The following MYO5B variants were observed in gnomAD, a reference collection of about 807,000 sequenced individuals.
The protein encoded by MYO5B is myosin VB.
MYO5B carries 143 observed loss-of-function variants against 229.3 expected under a neutral mutation model. The ratio of observed to expected loss-of-function variants is 0.62; its 90% CI spans 0.54 to 0.72. The LOEUF is 0.72. Among genes scored for constraint, MYO5B ranks in the 30% least tolerant of loss-of-function variants. The pLI is 0.00. For synonymous variants in MYO5B, 918 were observed against 885.2 expected (o/e 1.04, Z -0.66); for missense variants, 2,321 against 2,331.0 (o/e 1.00, Z 0.09).
chr18:50,162,884 T>A (rs1243411967), intron 1 of MYO5B, among the ~76,000 whole-genome samples: 2 of 152,198 alleles, frequency 1.3e-5, no homozygotes, highest in African/African-American at 4.8e-5. Context: ...ATTCCAGCCC[T>A]GTCACAGCGG....
At chr18:50,042,733 G>C (rs1032015661) in intron 2 of MYO5B, among the ~76,000 whole-genome samples, 1 of 152,176 alleles carries the variant, frequency 6.6e-6, no homozygotes, top group African/African-American at 2.4e-5. Flanking sequence ...CACCTCGGTG[G>C]AGATGTCCCC....
intron 1 of MYO5B, among the ~76,000 whole-genome samples, chr18:50,160,154 T>C (rs1006116104): frequency 6.6e-6 from 1 of 152,226 alleles, no homozygotes; most frequent in African/African-American, 2.4e-5. Flanking sequence ...ACCGTAAGCA[T>C]GGAAGCAGAA....
intron 11 of MYO5B, 96 bp downstream of exon 11, chr18:49,962,853 G>A: frequency 1.9e-6 from 2 of 1,065,010 alleles, no homozygotes; most frequent in Non-Finnish European, 2.9e-6. Context: ...ACGTAGCCAG[G>A]GCCCACCCAC....
intron 14 of MYO5B, among the ~76,000 whole-genome samples, chr18:49,950,777 T>C (rs2025423055): frequency 6.6e-6 from 1 of 152,214 alleles, no homozygotes. Flanking sequence ...ATTTAATTTC[T>C]AATAAAAACC....
At chr18:49,910,800 G>A (rs111326466) in intron 18 of MYO5B, among the ~76,000 whole-genome samples, 363 of 152,204 alleles carry the variant, frequency 2.4e-3, no homozygotes, top group African/African-American at 8.1e-3. Context: ...TAGATTTTCC[G>A]AACAGAAAAC....
intron 1 of MYO5B, among the ~76,000 whole-genome samples, chr18:50,164,944 A>G (rs2032821960): frequency 6.6e-6 from 1 of 152,240 alleles, no homozygotes; most frequent in African/African-American, 2.4e-5. Flanking sequence ...CACCCTCAAC[A>G]GATCACTTTG....
intron 4 of MYO5B, 81 bp from the exon 5 acceptor site, chr18:50,001,492 T>G: frequency 6.6e-7 from 1 of 1,505,132 alleles, no homozygotes; most frequent in Non-Finnish European, 9.2e-7. Flanking sequence ...GACAAGGGCC[T>G]GAGCCTCACT....
chr18:49,943,036 TA>T (rs1219842886), intron 14 of MYO5B, among the ~76,000 whole-genome samples: 76 of 151,950 alleles, frequency 5.0e-4, no homozygotes, highest in Admixed American at 6.5e-4. Flanking sequence ...TATGCAGTCA[TA>T]AAAAAATGAT....
intron 3 of MYO5B, among the ~76,000 whole-genome samples, chr18:50,038,228 A>G (rs2029898363): frequency 6.6e-6 from 1 of 152,224 alleles, no homozygotes; most frequent in Non-Finnish European, 1.5e-5. Context: ...ACTGAGGTAC[A>G]AAAACCAGAA....
At chr18:49,835,052 T>C (rs2144028148) in intron 39 of MYO5B, among the ~76,000 whole-genome samples, 1 of 152,340 alleles carries the variant, frequency 6.6e-6, no homozygotes, top group South Asian at 2.1e-4. Context: ...TAATTCCATT[T>C]GGTGCTAATA....
intron 37 of MYO5B, 55 bp from the exon 38 acceptor site, chr18:49,836,940 G>GAA (rs1343230488): frequency 3.2e-6 from 5 of 1,562,364 alleles, no homozygotes; most frequent in Non-Finnish European, 1.8e-6. Context: ...AATTCACTGA[G>GAA]AAGGGGACAC....
At chr18:49,871,196 C>T (rs1438291108) in intron 27 of MYO5B, among the ~76,000 whole-genome samples, 2 of 152,158 alleles carry the variant, frequency 1.3e-5, no homozygotes, top group Non-Finnish European at 2.9e-5. Context: ...AAATACTATA[C>T]GATTCTACTT....
chr18:50,037,743 A>C (rs1466043273), intron 3 of MYO5B, among the ~76,000 whole-genome samples: 2 of 152,188 alleles, frequency 1.3e-5, no homozygotes, highest in African/African-American at 2.4e-5. Flanking sequence ...CTACAAAAAA[A>C]GTATTAGCTG....
At chr18:49,910,153 G>A (rs1256177909) in intron 18 of MYO5B, among the ~76,000 whole-genome samples, 6 of 152,336 alleles carry the variant, frequency 3.9e-5, no homozygotes, top group Non-Finnish European at 8.8e-5. Flanking sequence ...AGCTGTGCCA[G>A]GAAAGGCCCA....
intron 1 of MYO5B, among the ~76,000 whole-genome samples, chr18:50,063,006 G>C (rs1488061088): frequency 6.6e-6 from 1 of 152,082 alleles, no homozygotes; most frequent in Non-Finnish European, 1.5e-5. Context: ...GAAATATTTG[G>C]CCCAGTATCT....
chr18:49,989,754 GA>G (rs2025909103), intron 7 of MYO5B, among the ~76,000 whole-genome samples: 1 of 152,196 alleles, frequency 6.6e-6, no homozygotes, highest in Admixed American at 6.5e-5. Flanking sequence ...AGCAGGAGTG[GA>G]AACAAAGGGT....
chr18:50,116,479 C>A (rs1477456743), intron 1 of MYO5B, among the ~76,000 whole-genome samples: 4 of 152,086 alleles, frequency 2.6e-5, no homozygotes, highest in Non-Finnish European at 1.5e-5. Context: ...CCTACCCAAA[C>A]TGGAATCATT....
chr18:49,950,850 C>G (rs1230295104), intron 14 of MYO5B, among the ~76,000 whole-genome samples: 1 of 152,192 alleles, frequency 6.6e-6, no homozygotes, highest in Admixed American at 6.5e-5. Flanking sequence ...AGGCCTGCAT[C>G]TGCTATCCTT....
At chr18:49,987,011 A>T (rs774115622) in intron 7 of MYO5B, among the ~76,000 whole-genome samples, 5 of 152,136 alleles carry the variant, frequency 3.3e-5, no homozygotes, top group Admixed American at 1.3e-4. Flanking sequence ...GTCACCTGAG[A>T]CTCCAAAGGA....
Sources: gnomAD v4.1 joint callset for allele counts (sites outside exome capture counted in the v4.1 genomes callset) on GRCh38, gnomAD v4.1.1 for gene constraint, MANE v1.5 for transcripts, NCBI Gene and HGNC (gene_info 2026-07-23, HGNC 2026-07-21) for gene names.